Variants in ATRNL1 observed in about 807,000 individuals in gnomAD.
The protein encoded by ATRNL1 is attractin like 1.
ATRNL1 carries 95 observed loss-of-function variants against 182.7 expected under a neutral mutation model. The ratio of observed to expected loss-of-function variants is 0.52; its 90% confidence interval spans 0.44 to 0.62. The LOEUF is 0.62. Ranked by LOEUF, ATRNL1 falls within the 20% of genes least tolerant of loss-of-function variation. The pLI is 0.00. For synonymous variants in ATRNL1, 576 were observed against 568.3 expected (o/e 1.01, Z -0.19); for missense variants, 1,471 against 1,679.5 (o/e 0.88, Z 2.17).
At chr10:115,743,567 G>C (rs1245929612) in intron 27 of ATRNL1, among the ~76,000 whole-genome samples, 1 of 152,144 alleles carries the variant, frequency 6.6e-6, no homozygotes, top group African/African-American at 2.4e-5. Flanking sequence ...TTATGTAGGA[G>C]CACAGTCCCT....
intron 15 of ATRNL1, among the ~76,000 whole-genome samples, chr10:115,299,782 A>T (rs184308013): frequency 1.4e-4 from 21 of 152,326 alleles, no homozygotes; most frequent in Middle Eastern, 6.8e-3. Flanking sequence ...ACTGAGGTTC[A>T]TGAAGGCTAA....
At chr10:115,619,449 A>G (rs1311752876) in intron 26 of ATRNL1, among the ~76,000 whole-genome samples, 1 of 151,826 alleles carries the variant, frequency 6.6e-6, no homozygotes, top group Non-Finnish European at 1.5e-5. Context: ...CCTGGCGAGT[A>G]CACATGAGCT....
chr10:115,600,489 G>A (rs549054161), intron 26 of ATRNL1, among the ~76,000 whole-genome samples: 21 of 152,102 alleles, frequency 1.4e-4, no homozygotes, highest in African/African-American at 4.3e-4. Context: ...TTCAGTTTTT[G>A]TTGGCTAATG....
At chr10:115,483,522 A>T (rs1848869548) in intron 24 of ATRNL1, among the ~76,000 whole-genome samples, 1 of 151,610 alleles carries the variant, frequency 6.6e-6, no homozygotes, top group Non-Finnish European at 1.5e-5. Context: ...TGCCAAATAT[A>T]TTTAATATAA....
At chr10:115,480,180 G>A (rs1020058239) in intron 24 of ATRNL1, among the ~76,000 whole-genome samples, 3 of 148,332 alleles carry the variant, frequency 2.0e-5, no homozygotes, top group Admixed American at 6.8e-5. Context: ...AAATAAATTA[G>A]CATTTTCAAC....
At chr10:115,501,840 C>T (rs1305688226) in intron 24 of ATRNL1, among the ~76,000 whole-genome samples, 1 of 152,142 alleles carries the variant, frequency 6.6e-6, no homozygotes, top group Non-Finnish European at 1.5e-5. Flanking sequence ...TTCTGCTTGA[C>T]ATTTATGAAC....
At chr10:115,159,179 GT>G (rs1388854284) in intron 5 of ATRNL1, among the ~76,000 whole-genome samples, 1 of 151,366 alleles carries the variant, frequency 6.6e-6, no homozygotes, top group Non-Finnish European at 1.5e-5. Context: ...ATAAATGTAT[GT>G]TTGTTTTATG....
chr10:115,401,501 G>A (rs1336125289), intron 20 of ATRNL1, among the ~76,000 whole-genome samples: 3 of 152,076 alleles, frequency 2.0e-5, no homozygotes, highest in African/African-American at 4.8e-5. Context: ...CTGAAATGGA[G>A]AAAATGAGGG....
chr10:115,729,517 G>GTGTGTA, intron 27 of ATRNL1, among the ~76,000 whole-genome samples: 1 of 150,386 alleles, frequency 6.6e-6, no homozygotes, highest in East Asian at 1.9e-4. Flanking sequence ...GTGTGTGTGT[G>GTGTGTA]TGTGTGTGTG....
At chr10:115,710,142 A>G (rs961383290) in intron 26 of ATRNL1, among the ~76,000 whole-genome samples, 1 of 151,650 alleles carries the variant, frequency 6.6e-6, no homozygotes, top group Non-Finnish European at 1.5e-5. Context: ...TAAAAAAAAA[A>G]CAATAAAATA....
At position 115,174,957 on chromosome 10, in the gene ATRNL1, A is replaced by G. The variant is rs531542342; in HGVS notation, c.1348+3665A>G. ...TTCCCAGGGGGAATAGTTGTTTCGTATATGTGGAACCAAGGCTGAAATAGA... is the reference window on the plus strand; with the variant it reads ...TTCCCAGGGGGAATAGTTGTTTCGTGTATGTGGAACCAAGGCTGAAATAGA... On this transcript the variant is annotated intron_variant, in intron 8 of 28. Coordinates refer to ENST00000355044, the MANE Select transcript of ATRNL1 (RefSeq NM_207303.4). Among the ~76,000 whole-genome samples the G allele has an allele frequency of 2.6e-5, 4 of 152,080 alleles. No individual in the cohort carries two copies. The East Asian group carries it at 7.7e-4, about 29-fold the overall frequency.
chr10:115,443,951 G>A (rs1846831843), intron 21 of ATRNL1, among the ~76,000 whole-genome samples: 1 of 151,970 alleles, frequency 6.6e-6, no homozygotes, highest in Admixed American at 6.6e-5. Flanking sequence ...GACTTAATAT[G>A]TGGAGCAAAA....
chr10:115,111,642 C>A (rs571946511), intron 1 of ATRNL1, among the ~76,000 whole-genome samples: 1 of 152,262 alleles, frequency 6.6e-6, no homozygotes, highest in East Asian at 1.9e-4. Flanking sequence ...CCAAGCCATT[C>A]ATGAGGGATC....
intron 28 of ATRNL1, among the ~76,000 whole-genome samples, chr10:115,848,194 G>A (rs1006944841): frequency 2.6e-5 from 4 of 152,010 alleles, no homozygotes; most frequent in African/African-American, 4.8e-5. Context: ...GTGTTTCTCC[G>A]AAAAACACAT....
chr10:115,694,170 A>ATG (rs879993717), intron 26 of ATRNL1, among the ~76,000 whole-genome samples: 6 of 49,210 alleles, frequency 1.2e-4, no homozygotes, highest in African/African-American at 2.4e-4. Context: ...GTCTACACAG[A>ATG]CGCACACACA....
intron 25 of ATRNL1, among the ~76,000 whole-genome samples, chr10:115,533,539 C>T (rs1323920049): frequency 1.3e-5 from 2 of 151,900 alleles, no homozygotes; most frequent in African/African-American, 2.4e-5. Context: ...TTTGTTGATC[C>T]TTTCAAAAAA....
chr10:115,930,512 A>G (rs782414881), intron 28 of ATRNL1, among the ~76,000 whole-genome samples: 8 of 152,156 alleles, frequency 5.3e-5, no homozygotes, highest in Non-Finnish European at 1.2e-4. Context: ...CTACAATTCA[A>G]CTATTGGTTT....
At chr10:115,393,032 C>G (rs1423304551) in intron 19 of ATRNL1, among the ~76,000 whole-genome samples, 1 of 152,086 alleles carries the variant, frequency 6.6e-6, no homozygotes, top group East Asian at 1.9e-4. Context: ...GGACCCACAG[C>G]AGACTCTTCA....
intron 26 of ATRNL1, among the ~76,000 whole-genome samples, chr10:115,566,876 A>T (rs149426518): frequency 6.6e-6 from 1 of 152,266 alleles, no homozygotes; most frequent in East Asian, 1.9e-4. Context: ...AGGGGCTTTC[A>T]CATGCACCCC....
Sources: allele counts gnomAD v4.1 joint callset (sites outside exome capture counted in the v4.1 genomes callset), GRCh38; gene constraint gnomAD v4.1.1; transcripts MANE v1.5; gene names NCBI Gene and HGNC (gene_info 2026-07-23, HGNC 2026-07-21).